The following UNC13B variants were observed in gnomAD, a reference collection of about 807,000 sequenced individuals.
UNC13B encodes the protein unc-13 homolog B.
UNC13B carries 144 observed loss-of-function variants against 211.0 expected under a neutral mutation model. That is an observed-to-expected ratio of 0.68 (90% confidence interval 0.60 to 0.78). UNC13B has a LOEUF of 0.78. Ranked by LOEUF, UNC13B falls within the 30% of genes least tolerant of loss-of-function variation. UNC13B has a pLI of 0.00. For missense variants in UNC13B, 1,777 were observed against 2,002.0 expected, an observed-to-expected ratio of 0.89 and a Z score of 2.14; for synonymous variants, 709 against 725.8, an observed-to-expected ratio of 0.98 and a Z score of 0.37.
intron 7 of UNC13B, among the ~76,000 whole-genome samples, chr9:35,288,137 A>G (rs537797824): frequency 1.3e-5 from 2 of 152,100 alleles, no homozygotes; most frequent in African/African-American, 4.8e-5. Flanking sequence ...CAGGCTATCA[A>G]CAGATGAGTG....
intron 35 of UNC13B, 31 bp from the exon 36 acceptor site, chr9:35,399,618 C>T: frequency 6.2e-7 from 1 of 1,612,766 alleles, no homozygotes; most frequent in Non-Finnish European, 8.5e-7. Flanking sequence ...CTGCTGTGAG[C>T]TGTCCTGATG....
chr9:35,262,290 CCTTTTCTCTTTTCA>C (rs1827324394), intron 7 of UNC13B, among the ~76,000 whole-genome samples: 1 of 150,568 alleles, frequency 6.6e-6, no homozygotes, highest in African/African-American at 2.4e-5. Context: ...CCTTTCTTTT[CCTTTTCTCTTTTCA>C]CTTTTCTCTT....
At chr9:35,403,661 A>T in intron 39 of UNC13B, 62 bp downstream of exon 39, 1 of 487,936 alleles carries the variant, frequency 2.0e-6, no homozygotes, top group Non-Finnish European at 3.4e-6. Flanking sequence ...GGGTGGGGGG[A>T]GAGGAGGGCC....
intron 1 of UNC13B, among the ~76,000 whole-genome samples, chr9:35,219,050 G>T (rs925391176): frequency 2.6e-5 from 4 of 152,134 alleles, no homozygotes; most frequent in Non-Finnish European, 1.5e-5. Flanking sequence ...TGCCCGGCCA[G>T]TGTTCGTGTT....
rs1005750409 is a variant in UNC13B, at chr9:35,307,717, G to A, written c.8313G>A (p.Trp2771Ter). 5.0e-6 allele frequency: 2 copies of A among 399,014 alleles called. No homozygotes were observed. Among genetic ancestry groups the A allele is most frequent in the Admixed American group, 4.4e-5 (1 of 22,724 alleles). 24.7% of individuals were successfully genotyped at this position (399,014 alleles called of 1,614,324 possible). A position where few individuals can be genotyped will look rare whatever the true frequency, so the allele number is the denominator to read the frequency against. ...TTGAGATCCCAAATGTGACCACTTG[G>A]CCAAAGCTTCGTTTGCCATCCTCTG... Reference protein sequence around the residue: ...PRFEIPNVTTWPKLRLPSSAT... With the variant: ...PRFEIPNVTT Residue 2771 changes from tryptophan to a stop codon, truncating the protein, a stop_gained, in exon 9 of 40, where the codon TGG becomes TGA. Coordinates refer to ENST00000635942, the MANE Select transcript of UNC13B (RefSeq NM_001371189.2). LOFTEE classifies it high-confidence loss of function.
At chr9:35,219,609 C>A in intron 1 of UNC13B, among the ~76,000 whole-genome samples, 1 of 145,870 alleles carries the variant, frequency 6.9e-6, no homozygotes. Flanking sequence ...AGAGCAAGAC[C>A]CTGTGTCCAA....
In UNC13B at chr9:35,162,220, G is replaced by T; in HGVS notation, c.-64G>T. Reference sequence around the variant, plus strand: ...AACGAGAGCAGTCGCGGCACCTGCTGAGAGGAAAGAGGGAGCGGTCCGGCG... The same window carrying T: ...AACGAGAGCAGTCGCGGCACCTGCTTAGAGGAAAGAGGGAGCGGTCCGGCG... On this transcript the variant is annotated 5_prime_UTR_variant, in exon 1 of 40. An upstream open reading frame in the 5' UTR loses its in-frame stop. Transcript: ENST00000635942. The T allele has an allele frequency of 1.9e-6, 3 of 1,541,602 alleles. No individual in the cohort carries two copies. Among genetic ancestry groups the T allele is most frequent in the Non-Finnish European group, 1.7e-6 (2 of 1,146,510 alleles).
rs535590974 is a variant in UNC13B at position 35,390,091 on chromosome 9, A to T, written c.11222+118A>T. 17 of 1,517,742 alleles carry T rather than the reference A, an allele frequency of 1.1e-5. 1 individual carries two copies. In the South Asian group the frequency reaches 1.7e-4, roughly 16 times the overall value. The allele number at this position is 1,517,742 out of a possible 1,614,324, so 94.0% of individuals were successfully genotyped here. A position where few individuals can be genotyped will look rare whatever the true frequency, so the allele number is the denominator to read the frequency against. ...TGCCACCTCTTCTTCCTGTCCATCC[A>T]TCTGTCCCTCTGTCCCTTGTATCTG... On this transcript the variant is annotated intron_variant, in intron 25 of 39. Coordinates refer to ENST00000635942, the MANE Select transcript of UNC13B (RefSeq NM_001371189.2).
chr9:35,358,832 G>A (rs776746261), intron 11 of UNC13B, among the ~76,000 whole-genome samples: 1 of 151,436 alleles, frequency 6.6e-6, no homozygotes, highest in Non-Finnish European at 1.5e-5. Context: ...TAGACTAGCT[G>A]GGATTACAGG....
At chr9:35,398,475 C>T in intron 31 of UNC13B, 79 bp from the exon 32 acceptor site, 11 of 1,481,200 alleles carry the variant, frequency 7.4e-6, no homozygotes, top group Non-Finnish European at 1.0e-5. Flanking sequence ...GTAAGCCCTG[C>T]AAGGAAGTAG....
intron 11 of UNC13B, among the ~76,000 whole-genome samples, chr9:35,317,518 C>CTTTA (rs1830521213): frequency 1.0e-5 from 1 of 97,666 alleles, no homozygotes; most frequent in Non-Finnish European, 1.9e-5. Flanking sequence ...GCTAAAGAAG[C>CTTTA]TTTTTTTTTT....
At chr9:35,400,273 A>G in intron 36 of UNC13B, 23 bp from the exon 37 acceptor site, 1 of 1,611,856 alleles carries the variant, frequency 6.2e-7, no homozygotes, top group Non-Finnish European at 8.5e-7. Flanking sequence ...TGAAGCAGTC[A>G]CGGGTGCTCT....
At chr9:35,257,344 T>C (rs1425050928) in intron 6 of UNC13B, among the ~76,000 whole-genome samples, 8 of 124,578 alleles carry the variant, frequency 6.4e-5, no homozygotes, top group African/African-American at 2.3e-4. Context: ...TATAAATATT[T>C]ATAAAAATAT....
chr9:35,395,047 G>T (rs1173766752), intron 26 of UNC13B, among the ~76,000 whole-genome samples: 1 of 152,106 alleles, frequency 6.6e-6, no homozygotes, highest in Non-Finnish European at 1.5e-5. Context: ...CCCTCCTGAT[G>T]TTTCTAGGTT....
intron 7 of UNC13B, among the ~76,000 whole-genome samples, chr9:35,288,281 C>T (rs554526114): frequency 3.3e-5 from 5 of 152,132 alleles, no homozygotes; most frequent in African/African-American, 1.2e-4. Context: ...CTGTCTTTCC[C>T]CTCTTAAAAG....
chr9:35,359,731 T>A (rs1833270344), intron 11 of UNC13B, among the ~76,000 whole-genome samples: 1 of 152,184 alleles, frequency 6.6e-6, no homozygotes, highest in African/African-American at 2.4e-5. Flanking sequence ...AAAAATATCT[T>A]GAATCTTGCC....
intron 7 of UNC13B, among the ~76,000 whole-genome samples, chr9:35,261,630 A>T (rs545271632): frequency 3.4e-4 from 51 of 152,210 alleles, no homozygotes; most frequent in Non-Finnish European, 6.2e-4. Flanking sequence ...TATTCCAGTT[A>T]TACTCTTTTA....
At chr9:35,275,651 G>A (rs1828134605) in intron 7 of UNC13B, among the ~76,000 whole-genome samples, 1 of 152,104 alleles carries the variant, frequency 6.6e-6, no homozygotes, top group East Asian at 1.9e-4. Context: ...GGAGCGTAGT[G>A]GTGTGATCTC....
At chr9:35,323,165 G>A (rs1830827105) in intron 11 of UNC13B, among the ~76,000 whole-genome samples, 1 of 151,504 alleles carries the variant, frequency 6.6e-6, no homozygotes, top group Non-Finnish European at 1.5e-5. Context: ...ACTTGTATGT[G>A]TGTATTACAC....
Sources: allele counts gnomAD v4.1 joint callset (sites outside exome capture counted in the v4.1 genomes callset), GRCh38; gene constraint gnomAD v4.1.1; transcripts MANE v1.5; gene names NCBI Gene and HGNC (gene_info 2026-07-23, HGNC 2026-07-21).